The following PCDHGA6 variants were observed in gnomAD, a reference collection of about 807,000 sequenced individuals.
PCDHGA6 encodes the protein protocadherin gamma-A6.
In PCDHGA6, 41 loss-of-function variants were observed where a neutral mutation model predicts 60.6. That is an observed-to-expected ratio of 0.68 (90% confidence interval 0.53 to 0.88). The LOEUF (loss-of-function observed/expected upper bound fraction) is 0.88. PCDHGA6 is among the 40% of genes least tolerant of loss of function. The pLI is 0.00. For missense variants in PCDHGA6, 1,312 were observed against 1,203.0 expected, an observed-to-expected ratio of 1.09 and a Z score of -1.34; for synonymous variants, 594 against 524.4, an observed-to-expected ratio of 1.13 and a Z score of -1.81.
At chr5:141,492,423 G>C (rs1164828445) in intron 1 of PCDHGA6, among the ~76,000 whole-genome samples, 1 of 152,222 alleles carries the variant, frequency 6.6e-6, no homozygotes, top group African/African-American at 2.4e-5. Context: ...CCCTCCGCCG[G>C]GCTCAGGAGT....
At chr5:141,414,489 G>A (rs754325517) in intron 1 of PCDHGA6, 33 of 1,613,754 alleles carry the variant, frequency 2.0e-5, no homozygotes, top group Middle Eastern at 1.6e-4. Flanking sequence ...CTCTATCAAC[G>A]GAAGCTCACT....
chr5:141,392,622 A>ACTCACAT, intron 1 of PCDHGA6: 1 of 558,650 alleles, frequency 1.8e-6, no homozygotes, highest in Non-Finnish European at 3.0e-6. Context: ...AACCGAAAAC[A>ACTCACAT]CTCAGATCTC....
In PCDHGA6 at chr5:141,477,836, G is replaced by T. The variant is rs1344676631; in HGVS notation, c.2425-16971G>T. On this transcript the variant is annotated intron_variant, in intron 1 of 3. Transcript: ENST00000517434. This position sits in a 1 kb window ranked among gnomAD's most constrained non-coding sequence, Gnocchi z 4.9. ...CCAGGTCCTATATCCTCGGCCAGGT[G>T]GGAGCTCGGTGGAGATGCTGCCTCG... The T allele has an allele frequency of 1.2e-6, 2 of 1,613,952 alleles. No individual in the cohort carries two copies. Among genetic ancestry groups the T allele is most frequent in the Non-Finnish European group, 1.7e-6 (2 of 1,180,012 alleles).
chr5:141,485,242 C>A lies in PCDHGA6; in HGVS notation c.2425-9565C>A, dbSNP rs747029550. ...CTACCCTTTTGTTCCTCTTTTACCA[C>A]CTGGGTTACGTTTGTGGGCAGATCC... On this transcript the variant is annotated intron_variant, in intron 1 of 3. Transcript: ENST00000517434. This position sits in a 1 kb window ranked among gnomAD's most constrained non-coding sequence, Gnocchi z 5.7. 7.4e-5 allele frequency: 119 copies of A among 1,614,054 alleles called. No individual in the cohort carries two copies. The highest frequency in any genetic ancestry group is 3.3e-4 in the Middle Eastern group (2 of 6,084).
intron 1 of PCDHGA6, chr5:141,409,546 C>A (rs775680397): frequency 6.2e-7 from 1 of 1,613,880 alleles, no homozygotes; most frequent in African/African-American, 1.3e-5. Flanking sequence ...TCAACGACAA[C>A]GCCCCAGTTT....
chr5:141,404,600 CTGTT>C (rs901473063), intron 1 of PCDHGA6: 9 of 1,613,938 alleles, frequency 5.6e-6, no homozygotes, highest in East Asian at 2.2e-5. Flanking sequence ...GTCATTGAGA[CTGTT>C]TGTTTTGGAC....
At chr5:141,447,130 T>A (rs2098527397) in intron 1 of PCDHGA6, among the ~76,000 whole-genome samples, 1 of 152,146 alleles carries the variant, frequency 6.6e-6, no homozygotes, top group Admixed American at 6.6e-5. Context: ...TTTTTTTGTT[T>A]GTTTGTTTTT....
rs780436102 is a variant in PCDHGA6 at position 141,431,846 on chromosome 5, G to T, written c.2424+55339G>T. On this transcript the variant is annotated intron_variant, in intron 1 of 3. Coordinates refer to ENST00000517434, the MANE Select transcript of PCDHGA6 (RefSeq NM_018919.3). The surrounding 1 kb of genome is among the most constrained non-coding windows in gnomAD (Gnocchi z 4.8). ...CTCGGTTCCCGAAAACTCTCCCAGA[G>T]GGACATTAATTGCCCTTTTAAATGT... 4 of 1,614,274 alleles carry T rather than the reference G, an allele frequency of 2.5e-6. No homozygotes were observed. The South Asian group carries it at 4.4e-5, about 18-fold the overall frequency.
At position 141,431,667 on chromosome 5, in the gene PCDHGA6, C is replaced by T. The variant is rs759257105; in HGVS notation, c.2424+55160C>T. ...GATTGTAATTCAGGGACAATATCAA[C>T]AATAGGGGAGTTGGACCACGAGGAG... On this transcript the variant is annotated intron_variant, in intron 1 of 3. Coordinates refer to ENST00000517434, the MANE Select transcript of PCDHGA6 (RefSeq NM_018919.3). This position sits in a 1 kb window ranked among gnomAD's most constrained non-coding sequence, Gnocchi z 4.8. 1 of 1,614,226 alleles carries T rather than the reference C, an allele frequency of 6.2e-7. No individual in the cohort carries two copies. The highest frequency in any genetic ancestry group is 1.3e-5 in the African/African-American group (1 of 75,072).
In PCDHGA6 at chr5:141,485,735, G is replaced by A; in HGVS notation, c.2425-9072G>A. 6.2e-7 allele frequency: 1 copy of A among 1,614,166 alleles called. No homozygotes were observed. The highest frequency in any genetic ancestry group is 8.5e-7 in the Non-Finnish European group (1 of 1,180,036). On this transcript the variant is annotated intron_variant, in intron 1 of 3. Coordinates refer to ENST00000517434, the MANE Select transcript of PCDHGA6 (RefSeq NM_018919.3). The surrounding 1 kb of genome is among the most constrained non-coding windows in gnomAD (Gnocchi z 5.7). Reference sequence around the variant, plus strand: ...ACTGGATGTGAAGAAGCGCAGCGACGGCAGCCTGGTCCCAGAGCTGCTCCT... The same window carrying A: ...ACTGGATGTGAAGAAGCGCAGCGACAGCAGCCTGGTCCCAGAGCTGCTCCT...
chr5:141,407,505 T>TTTTTTTTTTTTTTTTTTTTTTTTTTGAG (rs1460306566), intron 1 of PCDHGA6, among the ~76,000 whole-genome samples: 1 of 152,146 alleles, frequency 6.6e-6, no homozygotes, highest in Non-Finnish European at 1.5e-5. Context: ...CTGTTTTTCT[T>TTTTTTTTTTTTTTTTTTTTTTTTTTGAG]AGGCTATGTA....
chr5:141,415,968 C>T (rs1382830747), intron 1 of PCDHGA6: 2 of 390,600 alleles, frequency 5.1e-6, no homozygotes, highest in African/African-American at 2.1e-5. Context: ...ACTCCAGCCC[C>T]TTAAGCAACC....
chr5:141,462,852 T>C (rs1334709435), intron 1 of PCDHGA6, among the ~76,000 whole-genome samples: 1 of 152,202 alleles, frequency 6.6e-6, no homozygotes. Flanking sequence ...TTTTGAGTGT[T>C]TGGATTTTGT....
At chr5:141,442,837 A>G (rs2098346617) in intron 1 of PCDHGA6, among the ~76,000 whole-genome samples, 1 of 152,202 alleles carries the variant, frequency 6.6e-6, no homozygotes, top group Admixed American at 6.5e-5. Flanking sequence ...GGGAGGGACA[A>G]ATCTTGGCCA....
intron 1 of PCDHGA6, among the ~76,000 whole-genome samples, chr5:141,429,416 T>A (rs527999196): frequency 6.6e-6 from 1 of 152,230 alleles, no homozygotes; most frequent in Admixed American, 6.5e-5. Flanking sequence ...GGTCTCATTA[T>A]GTTGCCCAGG....
At chr5:141,382,749 G>T in intron 1 of PCDHGA6, 1 of 612,210 alleles carries the variant, frequency 1.6e-6, no homozygotes, top group Non-Finnish European at 2.8e-6. Context: ...GACAGATTGC[G>T]ATAAGCCCTC....
At chr5:141,437,426 C>G (rs531265278) in intron 1 of PCDHGA6, among the ~76,000 whole-genome samples, 2 of 152,150 alleles carry the variant, frequency 1.3e-5, no homozygotes, top group Non-Finnish European at 2.9e-5. Context: ...CTTTTTGAAG[C>G]AGCAATAGCA....
In PCDHGA6 at chr5:141,485,125, G is replaced by A. The variant is rs776015544; in HGVS notation, c.2425-9682G>A. 7.1e-7 allele frequency: 1 copy of A among 1,412,160 alleles called. No homozygotes were observed. The highest frequency in any genetic ancestry group is 1.2e-5 in the South Asian group (1 of 81,022). The allele number at this position is 1,412,160 out of a possible 1,614,324, so 87.5% of individuals were successfully genotyped here. On this transcript the variant is annotated intron_variant, in intron 1 of 3. Transcript: ENST00000517434. This position sits in a 1 kb window ranked among gnomAD's most constrained non-coding sequence, Gnocchi z 5.7. ...CTGCTGTGGCTGTTTGGGGCGGGTC[G>A]GCTTCATCCGCGTCTCAGGAGCAAG... is the stretch of plus-strand genomic sequence containing the variant.
chr5:141,463,041 G>C (rs1383781857), intron 1 of PCDHGA6, among the ~76,000 whole-genome samples: 1 of 152,114 alleles, frequency 6.6e-6, no homozygotes, highest in African/African-American at 2.4e-5. Flanking sequence ...TGAGTGTTCA[G>C]CAGGGTCTCT....
Sources: allele counts gnomAD v4.1 joint callset (sites outside exome capture counted in the v4.1 genomes callset), GRCh38; gene constraint gnomAD v4.1.1; non-coding constraint Gnocchi (gnomAD v3.1); transcripts MANE v1.5; gene names NCBI Gene and HGNC (gene_info 2026-07-23, HGNC 2026-07-21).